PLEKHA5: variants seen among roughly 807,000 people sequenced by gnomAD.
PLEKHA5 encodes the protein pleckstrin homology domain-containing family A member 5.
A neutral mutation model predicts 181.9 loss-of-function variants in PLEKHA5; 55 were observed. That is an observed-to-expected ratio of 0.30 (90% CI 0.24 to 0.38). PLEKHA5 has a LOEUF of 0.38. PLEKHA5 is among the 10% of genes least tolerant of loss of function. The pLI, the probability that PLEKHA5 is intolerant of heterozygous loss-of-function variation, is 1.00. For missense variants in PLEKHA5, 1,432 were observed against 1,549.5 expected (o/e 0.92, Z 1.27); for synonymous variants, 535 against 529.4 (o/e 1.01, Z -0.15).
intron 3 of PLEKHA5, among the ~76,000 whole-genome samples, chr12:19,160,714 C>T (rs2042773073): frequency 6.6e-6 from 1 of 151,734 alleles, no homozygotes; most frequent in East Asian, 1.9e-4. Context: ...ATGATAATTC[C>T]CCTGCCTTTT....
At chr12:19,353,637 T>G (rs553533440) in intron 25 of PLEKHA5, among the ~76,000 whole-genome samples, 1 of 151,906 alleles carries the variant, frequency 6.6e-6, no homozygotes, top group South Asian at 2.1e-4. Flanking sequence ...TTTTGTATTT[T>G]TAGTGGAGAC....
intron 3 of PLEKHA5, among the ~76,000 whole-genome samples, chr12:19,249,549 G>T (rs2064713610): frequency 6.6e-6 from 1 of 152,134 alleles, no homozygotes; most frequent in South Asian, 2.1e-4. Flanking sequence ...TTGACTGAGG[G>T]TAACTGAAAC....
intron 15 of PLEKHA5, among the ~76,000 whole-genome samples, chr12:19,312,337 A>G (rs2086852266): frequency 6.6e-6 from 1 of 152,208 alleles, no homozygotes; most frequent in Admixed American, 6.5e-5. Flanking sequence ...GGAGCCAGGC[A>G]TTGACTTTCC....
intron 3 of PLEKHA5, among the ~76,000 whole-genome samples, chr12:19,195,010 G>A (rs1236511846): frequency 6.6e-6 from 1 of 152,088 alleles, no homozygotes; most frequent in African/African-American, 2.4e-5. Flanking sequence ...TACTGTACCA[G>A]ACACTGTGTT....
At chr12:19,180,440 A>T (rs2048286025) in intron 3 of PLEKHA5, among the ~76,000 whole-genome samples, 1 of 152,118 alleles carries the variant, frequency 6.6e-6, no homozygotes, top group African/African-American at 2.4e-5. Flanking sequence ...AAATAATAAA[A>T]ATGTAGGGGG....
intron 3 of PLEKHA5, among the ~76,000 whole-genome samples, chr12:19,247,187 G>A (rs1026693043): frequency 2.0e-5 from 3 of 152,152 alleles, no homozygotes; most frequent in South Asian, 2.1e-4. Context: ...AGCTTCCCCC[G>A]TTTTCAGAGT....
chr12:19,261,050 T>G, intron 7 of PLEKHA5, 29 bp downstream of exon 7: 1 of 1,193,660 alleles, frequency 8.4e-7, no homozygotes, highest in Admixed American at 1.8e-5. Context: ...CTTAGTGTAT[T>G]ATTTTGTAAT....
At chr12:19,203,521 C>T (rs1265663796) in intron 3 of PLEKHA5, among the ~76,000 whole-genome samples, 1 of 152,056 alleles carries the variant, frequency 6.6e-6, no homozygotes, top group African/African-American at 2.4e-5. Flanking sequence ...GCTGTTTCCT[C>T]CTCTTTCTCT....
intron 15 of PLEKHA5, among the ~76,000 whole-genome samples, chr12:19,312,595 CTCA>C: frequency 6.6e-6 from 1 of 152,200 alleles, no homozygotes. Context: ...CTGCAGCTTC[CTCA>C]TCTCTCTCAA....
chr12:19,164,997 A>G (rs2043961856), intron 3 of PLEKHA5, among the ~76,000 whole-genome samples: 1 of 152,038 alleles, frequency 6.6e-6, no homozygotes, highest in Non-Finnish European at 1.5e-5. Context: ...CAAGCAACCA[A>G]CTAACCTGGA....
At chr12:19,367,943 A>T (rs1308417602) in intron 30 of PLEKHA5, among the ~76,000 whole-genome samples, 1 of 150,684 alleles carries the variant, frequency 6.6e-6, no homozygotes, top group Non-Finnish European at 1.5e-5. Context: ...CCCCGCCACC[A>T]CTCCTGCCCT....
chr12:19,337,796 A>G (rs778493148), intron 21 of PLEKHA5, among the ~76,000 whole-genome samples: 11 of 151,910 alleles, frequency 7.2e-5, no homozygotes, highest in Non-Finnish European at 1.5e-4. Flanking sequence ...ACTAAAAAAT[A>G]CAAAATTAGC....
rs73331861 is a variant in PLEKHA5 at position 19,308,142 on chromosome 12, C to T, written c.2038-6672C>T. Among the ~76,000 whole-genome samples the T allele has an allele frequency of 2.6e-3, 402 of 152,100 alleles. 3 individuals carry two copies. Among genetic ancestry groups the T allele is most frequent in the African/African-American group, 9.3e-3 (386 of 41,494 alleles). On this transcript the variant is annotated intron_variant, in intron 15 of 31. Coordinates refer to ENST00000429027, the MANE Select transcript of PLEKHA5 (RefSeq NM_001256470.2). ...GCAATAGAAGCAGATTCCCCTAAAACAAAGAAACGTTCTGTGGAAAAGGGA... is the reference window on the plus strand; with the variant it reads ...GCAATAGAAGCAGATTCCCCTAAAATAAAGAAACGTTCTGTGGAAAAGGGA...
Position 19,290,740 on chromosome 12 carries a change from C to T in PLEKHA5, c.1927C>T (p.Arg643Trp), listed in dbSNP as rs772936267. Residue 643 changes from arginine to tryptophan, a missense_variant, in exon 14 of 32, where the codon CGG becomes TGG. Transcript: ENST00000429027. ...RRQQAELSSI[R>W]EHTLAQLMQL... The stretch of plus-strand genomic sequence containing the variant: ...GCAGCAAGCCGAACTGAGTAGTATC[C>T]GGGAGCATACGTTAGCACAGCTCAT... 14 of 1,535,878 alleles carry T rather than the reference C, an allele frequency of 9.1e-6. No individual in the cohort carries two copies. Among genetic ancestry groups the T allele is most frequent in the East Asian group, 4.9e-5 (2 of 40,910 alleles).
At chr12:19,305,721 A>G (rs1042428968) in intron 15 of PLEKHA5, among the ~76,000 whole-genome samples, 2 of 151,876 alleles carry the variant, frequency 1.3e-5, no homozygotes, top group Admixed American at 6.6e-5. Context: ...TTAACTGGGC[A>G]TTGTGGCACA....
intron 3 of PLEKHA5, among the ~76,000 whole-genome samples, chr12:19,229,974 A>G (rs1055189163): frequency 6.6e-6 from 1 of 152,200 alleles, no homozygotes; most frequent in African/African-American, 2.4e-5. Context: ...AGCTAGATAC[A>G]GAGTGCTGAT....
At chr12:19,153,584 A>G (rs776094685) in intron 3 of PLEKHA5, 6 of 152,082 alleles carry the variant, frequency 3.9e-5, no homozygotes, top group Admixed American at 2.6e-4. Flanking sequence ...AGTTGTTACA[A>G]TTGTACCTAC....
chr12:19,305,300 C>A (rs1409473413), intron 15 of PLEKHA5, among the ~76,000 whole-genome samples: 1 of 152,110 alleles, frequency 6.6e-6, no homozygotes, highest in East Asian at 1.9e-4. Context: ...CAGTGGCTCA[C>A]GCCTGTAATT....
chr12:19,357,655 A>G (rs1339991952), intron 26 of PLEKHA5, among the ~76,000 whole-genome samples: 1 of 149,594 alleles, frequency 6.7e-6, no homozygotes, highest in Non-Finnish European at 1.5e-5. Flanking sequence ...TTGAGATGGC[A>G]TCTGGCTCTG....
Sources: gnomAD v4.1 joint callset for allele counts (sites outside exome capture counted in the v4.1 genomes callset) on GRCh38, gnomAD v4.1.1 for gene constraint, MANE v1.5 for transcripts, NCBI Gene and HGNC (gene_info 2026-07-23, HGNC 2026-07-21) for gene names.